Variants in C7 observed in about 807,000 individuals in gnomAD.
The protein encoded by C7 is complement component C7.
In C7, 83 loss-of-function variants were observed where a neutral mutation model predicts 104.8. That is an observed-to-expected ratio of 0.79 (90% CI 0.66 to 0.95). The LOEUF (loss-of-function observed/expected upper bound fraction) is 0.95, where lower values mean the gene tolerates loss of function less well. Ranked by LOEUF, C7 falls within the 40% of genes least tolerant of loss-of-function variation. The pLI is 0.00. For missense variants in C7, 1,070 were observed against 1,011.2 expected (o/e 1.06, Z -0.79); for synonymous variants, 415 against 360.6 (o/e 1.15, Z -1.71).
chr5:40,972,702 A>G (rs983137396), intron 15 of C7, 108 bp downstream of exon 15: 1 of 837,360 alleles, frequency 1.2e-6, no homozygotes, highest in Non-Finnish European at 1.8e-6. Flanking sequence ...CATTCCCTCC[A>G]TTCTTGCTCC....
Position 40,979,736 on chromosome 5 carries a change from A to G in C7, c.2177A>G (p.Asp726Gly). 1 of 1,611,472 alleles carries G rather than the reference A, an allele frequency of 6.2e-7. No individual in the cohort carries two copies. ...KMPYECGPSLDVCAQDERSKR... is the reference protein window; with the variant it reads ...KMPYECGPSLGVCAQDERSKR... ...AAAATTCTTTTCAGACCTTCCTTGGATGTATGTGCTCAAGATGAGAGAAGC... is the reference window on the plus strand; with the variant it reads ...AAAATTCTTTTCAGACCTTCCTTGGGTGTATGTGCTCAAGATGAGAGAAGC... Residue 726 changes from aspartate (D) to glycine (G), a missense_variant, in exon 17 of 18, where the codon GAT (aspartate) becomes GGT (glycine). By Grantham distance (94) the Asp-to-Gly change is moderately conservative. Transcript: ENST00000313164.
chr5:40,949,376 C>T (rs1226966635), intron 8 of C7, among the ~76,000 whole-genome samples: 5 of 144,446 alleles, frequency 3.5e-5, no homozygotes, highest in African/African-American at 1.3e-4. Context: ...AAAAAAAACA[C>T]AAAAAACTCC....
chr5:40,966,836 T>A (rs1740565717), intron 14 of C7, among the ~76,000 whole-genome samples: 1 of 152,170 alleles, frequency 6.6e-6, no homozygotes. Context: ...ATTCATTGAC[T>A]GATGGGCATT....
At chr5:40,952,703 T>G (rs1479672421) in intron 9 of C7, among the ~76,000 whole-genome samples, 1 of 151,952 alleles carries the variant, frequency 6.6e-6, no homozygotes, top group African/African-American at 2.4e-5. Flanking sequence ...GTCCAAGTGT[T>G]CTCATTGTTC....
chr5:40,952,795 A>C (rs954959423), intron 9 of C7, among the ~76,000 whole-genome samples: 2 of 152,072 alleles, frequency 1.3e-5, no homozygotes, highest in African/African-American at 2.4e-5. Flanking sequence ...GCACATATAC[A>C]CCATGAAATA....
intron 2 of C7, among the ~76,000 whole-genome samples, chr5:40,930,250 G>C (rs1168406061): frequency 7.1e-6 from 1 of 140,418 alleles, no homozygotes; most frequent in African/African-American, 2.7e-5. Context: ...CTGTCACCCA[G>C]GCTGGAGTGC....
chr5:40,960,846 C>G (rs1740404456), intron 12 of C7, among the ~76,000 whole-genome samples: 2 of 152,116 alleles, frequency 1.3e-5, no homozygotes, highest in Non-Finnish European at 2.9e-5. Context: ...ACCTTAGAGG[C>G]AGTCTTGAAA....
chr5:40,959,355 T>C (rs1740372673), intron 11 of C7, 94 bp from the exon 12 acceptor site: 1 of 1,113,104 alleles, frequency 9.0e-7, no homozygotes, highest in East Asian at 2.6e-5. Flanking sequence ...CAGAATGATC[T>C]CTTCCTCCAA....
rs767704222 is a variant in C7 at position 40,976,822 on chromosome 5, A to G, written c.2147A>G (p.Lys716Arg). 1 of 1,605,664 alleles carries G rather than the reference A, an allele frequency of 6.2e-7. No individual in the cohort carries two copies. The highest frequency in any genetic ancestry group is 8.5e-7 in the Non-Finnish European group (1 of 1,175,694). ...EKLQNSRCVC[K>R]MPYECGPSLD... ...CTGCAGAATTCAAGATGTGTTTGTA[A>G]AATGCCCTACGAATGTGGGTAAGTG... is the stretch of plus-strand genomic sequence containing the variant. The change falls in exon 16 of 18, where the codon AAA becomes AGA. Residue 716 changes from lysine (K) to arginine (R), a missense_variant. Transcript: ENST00000313164.
intron 6 of C7, among the ~76,000 whole-genome samples, chr5:40,940,014 A>C (rs568301602): frequency 1.3e-5 from 2 of 152,336 alleles, no homozygotes; most frequent in Non-Finnish European, 2.9e-5. Context: ...AGTGAAGTGG[A>C]AGCCACAGGC....
At chr5:40,944,709 T>G (rs1740009539) in intron 6 of C7, among the ~76,000 whole-genome samples, 1 of 152,214 alleles carries the variant, frequency 6.6e-6, no homozygotes, top group Non-Finnish European at 1.5e-5. Flanking sequence ...AAATGCAATT[T>G]TAGCATTTAT....
rs539862592 is a variant in C7, at chr5:40,972,293, T to A, written c.1883-110T>A. The stretch of plus-strand genomic sequence containing the variant: ...CAGTGAACTTACGTCTTCCTCCTTG[T>A]CCTCTAATATGAAAAAGCAGAACAA... On this transcript the variant is annotated intron_variant, in intron 14 of 17. Transcript: ENST00000313164. 3.5e-6 allele frequency: 3 copies of A among 845,234 alleles called. No individual in the cohort carries two copies. The East Asian group carries it at 7.9e-5, about 22-fold the overall frequency. 52.4% of individuals were successfully genotyped at this position (845,234 alleles called of 1,614,324 possible).
rs780751557 is a variant in C7 at position 40,947,761 on chromosome 5, G to A, written c.898G>A (p.Gly300Arg). The A allele has an allele frequency of 5.0e-6, 8 of 1,613,512 alleles. No individual in the cohort carries two copies. Among genetic ancestry groups the A allele is most frequent in the East Asian group, 4.5e-5 (2 of 44,884 alleles). The change falls in exon 8 of 18, where the codon GGG (glycine) becomes AGG (arginine). Residue 300 changes from glycine to arginine, a missense_variant. Transcript: ENST00000313164. ...SAYRRLIDQYGTHYLQSGSLG... is the reference protein window; with the variant it reads ...SAYRRLIDQYRTHYLQSGSLG... ...CTACCGAAGATTAATCGACCAGTAC[G>A]GGACACATTATCTGCAATCTGGGTC...
At chr5:40,977,011 GC>G (rs1187084233) in intron 16 of C7, among the ~76,000 whole-genome samples, 171 bp downstream of exon 16, 55 of 152,308 alleles carry the variant, frequency 3.6e-4, no homozygotes, top group African/African-American at 1.2e-3. Context: ...GGTCACTAGG[GC>G]TGACAGCCAT....
intron 9 of C7, among the ~76,000 whole-genome samples, chr5:40,954,260 A>G (rs995108817): frequency 1.3e-5 from 2 of 152,174 alleles, no homozygotes; most frequent in African/African-American, 4.8e-5. Flanking sequence ...ATAGACAAGA[A>G]TGTTGTAATA....
At chr5:40,968,723 T>A (rs1214020514) in intron 14 of C7, among the ~76,000 whole-genome samples, 1 of 148,832 alleles carries the variant, frequency 6.7e-6, no homozygotes, top group African/African-American at 2.5e-5. Context: ...GCAATTCTCC[T>A]GCCTCAGCCT....
intron 8 of C7, among the ~76,000 whole-genome samples, chr5:40,949,277 G>T (rs1468916845): frequency 6.7e-6 from 1 of 150,202 alleles, no homozygotes; most frequent in South Asian, 2.1e-4. Context: ...AAACATTAAG[G>T]TTATTGTAAT....
chr5:40,972,223 A>G (rs1440929520), intron 14 of C7, among the ~76,000 whole-genome samples, 180 bp from the exon 15 acceptor site: 2 of 152,114 alleles, frequency 1.3e-5, no homozygotes, highest in African/African-American at 2.4e-5. Flanking sequence ...TCATGGGTCA[A>G]TTACGTGCCA....
chr5:40,937,575 T>G lies in C7; in HGVS notation c.452T>G (p.Phe151Cys). 1 of 1,611,730 alleles carries G rather than the reference T, an allele frequency of 6.2e-7. No homozygotes were observed. The highest frequency in any genetic ancestry group is 8.5e-7 in the Non-Finnish European group (1 of 1,178,830). ...GNGYNELTGQFRNRVINTKSF... is the reference protein window; with the variant it reads ...GNGYNELTGQCRNRVINTKSF... ...AGTTACAATGAACTCACTGGCCAGT[T>G]TAGGAACAGAGTCATCAATACCAAA... The change falls in exon 6 of 18, where the codon TTT (phenylalanine) becomes TGT (cysteine). Residue 151 changes from phenylalanine (F) to cysteine (C), a missense_variant. Coordinates refer to ENST00000313164, the MANE Select transcript of C7 (RefSeq NM_000587.4).
Sources: gnomAD v4.1 joint callset for allele counts (sites outside exome capture counted in the v4.1 genomes callset) on GRCh38, gnomAD v4.1.1 for gene constraint, MANE v1.5 for transcripts, NCBI Gene and HGNC (gene_info 2026-07-23, HGNC 2026-07-21) for gene names.